The following NAPSA variants were observed in gnomAD, a reference collection of about 807,000 sequenced individuals.
NAPSA encodes napsin-A.
A neutral mutation model predicts 36.7 loss-of-function variants in NAPSA; 37 were observed. The observed-to-expected ratio is 1.01, with a 90% CI of 0.78 to 1.33. NAPSA has a LOEUF of 1.33. Ranked by LOEUF, NAPSA falls within the 40% of genes most tolerant of loss-of-function variation. The pLI, the probability that NAPSA is intolerant of heterozygous loss-of-function variation, is 0.00. For synonymous variants in NAPSA, 222 were observed against 234.5 expected, an observed-to-expected ratio of 0.95 and a Z score of 0.49; for missense variants, 532 against 543.8, an observed-to-expected ratio of 0.98 and a Z score of 0.21.
chr19:50,367,892 T>C (rs2037569190), upstream of NAPSA, among the ~76,000 whole-genome samples: 1 of 152,068 alleles, frequency 6.6e-6, no homozygotes, highest in African/African-American at 2.4e-5. Context: ...ATGCGGTAAC[T>C]CATGCCTGTA....
chr19:50,365,640 G>A, upstream of NAPSA: 3 of 1,588,562 alleles, frequency 1.9e-6, no homozygotes, highest in Non-Finnish European at 2.6e-6. Context: ...ACCTGGGTGT[G>A]AACCCAGGTG....
intron 5 of NAPSA, 68 bp from the exon 6 acceptor site, chr19:50,359,930 C>A: frequency 6.4e-7 from 1 of 1,554,398 alleles, no homozygotes; most frequent in Non-Finnish European, 8.7e-7. Flanking sequence ...CTAGGTATTG[C>A]CAGGAATGGC....
intron 4 of NAPSA, 155 bp downstream of exon 4, chr19:50,361,508 A>G (rs552255607): frequency 1.0e-5 from 7 of 692,220 alleles, no homozygotes; most frequent in East Asian, 7.8e-5. Flanking sequence ...GTGACGCACC[A>G]TCCCTTCACT....
chr19:50,362,163 G>T lies in NAPSA; in HGVS notation c.225+9C>A, dbSNP rs377081026. The T allele has an allele frequency of 7.7e-5, 124 of 1,612,506 alleles. No homozygotes were observed. The highest frequency in any genetic ancestry group is 1.0e-4 in the Non-Finnish European group (121 of 1,178,980). On this transcript the variant is annotated intron_variant, in intron 2 of 8. Coordinates refer to ENST00000253719, the MANE Select transcript of NAPSA (RefSeq NM_004851.3). Reference sequence around the variant, plus strand: ...GCAGGGGTGAGGGCTGTGTGGGGCTGTGACTCACATCCCTGTAGTTCGAGA... The same window carrying T: ...GCAGGGGTGAGGGCTGTGTGGGGCTTTGACTCACATCCCTGTAGTTCGAGA...
chr19:50,361,427 T>C, intron 4 of NAPSA: 1 of 585,596 alleles, frequency 1.7e-6, no homozygotes, highest in Non-Finnish European at 3.0e-6. Flanking sequence ...CCCCACCTCT[T>C]AACCTTGGAA....
intron 1 of NAPSA, 110 bp from the exon 2 acceptor site, chr19:50,362,423 T>C: frequency 1.0e-6 from 1 of 985,836 alleles, no homozygotes; most frequent in South Asian, 1.8e-5. Flanking sequence ...GGCACTACAA[T>C]AGTAGTCAGT....
chr19:50,359,844 A>G lies in NAPSA; in HGVS notation c.687T>C (p.Asp229=), dbSNP rs200649376. Residue 229 remains aspartate (D), a synonymous_variant, in exon 6 of 9, where the codon GAT becomes GAC. Coordinates refer to ENST00000253719, the MANE Select transcript of NAPSA (RefSeq NM_004851.3). Reference sequence around the variant, plus strand: ...AGCCCCCCAGGACCAGCTCTCCTCCATCAGGCTCTTCAGGGTCCCTGCAGG... The same window carrying G: ...AGCCCCCCAGGACCAGCTCTCCTCCGTCAGGCTCTTCAGGGTCCCTGCAGG... The part of the protein sequence containing the change: ...FYLNRDPEEP[D]GGELVLGGSD... 2.8e-5 allele frequency: 45 copies of G among 1,614,162 alleles called. No individual in the cohort carries two copies. The East Asian group carries it at 4.9e-4, about 18-fold the overall frequency.
chr19:50,360,966 G>C lies in NAPSA; in HGVS notation c.643C>G (p.Pro215Ala), dbSNP rs201939500. The stretch of plus-strand genomic sequence containing the variant: ...CTGTTGAGGTAAAAGGAGAAGACAG[G>C]CTTATCCAATAGCCCCTGCTCCACC... ...VLVEQGLLDKPVFSFYLNRDP... is the reference protein window; with the variant it reads ...VLVEQGLLDKAVFSFYLNRDP... The change falls in exon 5 of 9, where the codon CCT (proline) becomes GCT (alanine). Residue 215 changes from proline to alanine, a missense_variant. Pro to Ala is a conservative substitution (Grantham distance 27). Around this residue, in one of 3 missense-constraint regions of NAPSA, gnomAD observed 385 missense variants for 371.5 expected, o/e 1.04. Coordinates refer to ENST00000253719, the MANE Select transcript of NAPSA (RefSeq NM_004851.3). 7 of 1,614,080 alleles carry C rather than the reference G, an allele frequency of 4.3e-6. No homozygotes were observed. The East Asian group carries it at 8.9e-5, about 21-fold the overall frequency.
intron 5 of NAPSA, among the ~76,000 whole-genome samples, chr19:50,360,161 T>G (rs979187834): frequency 2.0e-5 from 3 of 152,146 alleles, no homozygotes; most frequent in Non-Finnish European, 4.4e-5. Flanking sequence ...AGAGCAGTGG[T>G]GTCTTGGAAT....
At chr19:50,361,387 C>T (rs2037470801) in intron 4 of NAPSA, 2 of 586,284 alleles carry the variant, frequency 3.4e-6, no homozygotes, top group African/African-American at 3.8e-5. Flanking sequence ...ACCTCTTCAC[C>T]CAGGAAGCTC....
At position 50,361,964 on chromosome 19, in the gene NAPSA, C is replaced by T. The variant is rs1385679877; in HGVS notation, c.349+5G>A. 1.9e-6 allele frequency: 3 copies of T among 1,592,854 alleles called. No homozygotes were observed. Among genetic ancestry groups the T allele is most frequent in the Non-Finnish European group, 2.6e-6 (3 of 1,169,528 alleles). The stretch of plus-strand genomic sequence containing the variant: ...TCAGCCTTATTCTCCCACATAGAAG[C>T]TCACAGCAGGGCACACTGAAGAAGT... On this transcript the variant is annotated splice_donor_5th_base_variant and intron_variant, in intron 3 of 8. Coordinates refer to ENST00000253719, the MANE Select transcript of NAPSA (RefSeq NM_004851.3).
intron 4 of NAPSA, 142 bp from the exon 5 acceptor site, chr19:50,361,282 G>A: frequency 1.5e-6 from 1 of 685,012 alleles, no homozygotes; most frequent in Non-Finnish European, 2.5e-6. Flanking sequence ...TATGCCTCTT[G>A]AGAAGCCCCA....
chr19:50,359,189 G>T, intron 7 of NAPSA, 80 bp from the exon 8 acceptor site: 1 of 1,277,550 alleles, frequency 7.8e-7, no homozygotes, highest in Non-Finnish European at 1.1e-6. Flanking sequence ...GTGCCATAGG[G>T]TAATTTCCCT....
Sources: allele counts gnomAD v4.1 joint callset (sites outside exome capture counted in the v4.1 genomes callset), GRCh38; gene constraint gnomAD v4.1.1; regional missense constraint gnomAD v4.1.1; transcripts MANE v1.5; gene names NCBI Gene and HGNC (gene_info 2026-07-23, HGNC 2026-07-21).